ARMC9: variants seen among roughly 807,000 people sequenced by gnomAD.
The protein encoded by ARMC9 is lisH domain-containing protein ARMC9.
A neutral mutation model predicts 107.0 loss-of-function variants in ARMC9; 94 were observed. The observed-to-expected ratio is 0.88, with a 90% CI of 0.74 to 1.04. The LOEUF (loss-of-function observed/expected upper bound fraction) is 1.04. Ranked by LOEUF, ARMC9 falls within the 50% of genes least tolerant of loss-of-function variation. The pLI is 0.00. For synonymous variants in ARMC9, 380 were observed against 396.9 expected (o/e 0.96, Z 0.51); for missense variants, 942 against 1,030.1 (o/e 0.91, Z 1.17).
chr2:231,248,085 A>C (rs1310740153), intron 9 of ARMC9, among the ~76,000 whole-genome samples: 2 of 152,148 alleles, frequency 1.3e-5, no homozygotes, highest in East Asian at 1.9e-4. Flanking sequence ...ATCGGGCTCA[A>C]CTTTTCCTCC....
At chr2:231,353,055 C>T (rs1180828979) in intron 21 of ARMC9, among the ~76,000 whole-genome samples, 1 of 124,466 alleles carries the variant, frequency 8.0e-6, no homozygotes, top group Non-Finnish European at 1.5e-5. Context: ...TCCATTCCAG[C>T]CATGGGATCT....
intron 6 of ARMC9, among the ~76,000 whole-genome samples, chr2:231,223,740 T>TG (rs1359997607): frequency 6.6e-6 from 1 of 152,220 alleles, no homozygotes; most frequent in Non-Finnish European, 1.5e-5. Flanking sequence ...CCTTCCCTGT[T>TG]GCCTGTATTC....
chr2:231,207,445 C>G (rs1355157034), intron 2 of ARMC9, among the ~76,000 whole-genome samples: 2 of 152,012 alleles, frequency 1.3e-5, no homozygotes, highest in Non-Finnish European at 2.9e-5. Context: ...CAGGCATGAG[C>G]CATGCCACCT....
chr2:231,351,102 C>T (rs1210462985), intron 21 of ARMC9, among the ~76,000 whole-genome samples: 3 of 144,868 alleles, frequency 2.1e-5, no homozygotes, highest in Non-Finnish European at 3.0e-5. Flanking sequence ...GGACTACAGG[C>T]GCCTACCACC....
intron 16 of ARMC9, among the ~76,000 whole-genome samples, chr2:231,279,441 C>T (rs2040023541): frequency 6.6e-6 from 1 of 152,010 alleles, no homozygotes; most frequent in Non-Finnish European, 1.5e-5. Context: ...GAGCAGGATA[C>T]GATTGAGTAC....
At chr2:231,264,962 G>A (rs1243768839) in intron 12 of ARMC9, among the ~76,000 whole-genome samples, 2 of 152,240 alleles carry the variant, frequency 1.3e-5, no homozygotes, top group East Asian at 3.9e-4. Context: ...GCCAGACGTG[G>A]TGGCACGCAC....
intron 14 of ARMC9, among the ~76,000 whole-genome samples, chr2:231,275,689 C>T (rs1436299711): frequency 6.6e-6 from 1 of 152,194 alleles, no homozygotes; most frequent in African/African-American, 2.4e-5. Flanking sequence ...CACGGTGGCT[C>T]ACGCCTGTAA....
At chr2:231,361,018 G>A (rs1242270776) in intron 23 of ARMC9, 135 bp downstream of exon 23, 38 of 1,350,472 alleles carry the variant, frequency 2.8e-5, no homozygotes, top group Non-Finnish European at 3.5e-5. Flanking sequence ...AGGCTAAGGA[G>A]CAGTGTCAAG....
In ARMC9 at chr2:231,302,433, G is replaced by GTTTTTTTTTT. The variant is rs1322418026; in HGVS notation, c.1773+6183_1773+6184insTTTTTTTTTT. On this transcript the variant is annotated intron_variant, in intron 19 of 24. Transcript: ENST00000611582. ...TTTATGAAAAAGTGTAGCATTGTGG[G>GTTTTTTTTTT]TTTGTTTTTTTTTTTTTTTTTTTTT... Among the ~76,000 whole-genome samples the GTTTTTTTTTT allele has an allele frequency of 9.3e-5, 9 of 96,390 alleles. 1 individual carries two copies. The highest frequency in any genetic ancestry group is 1.5e-4 in the Non-Finnish European group (7 of 47,824). 63.2% of individuals were successfully genotyped at this position (96,390 alleles called of 152,430 possible). A position where few individuals can be genotyped will look rare whatever the true frequency, so the allele number is the denominator to read the frequency against.
At chr2:231,239,826 C>A in intron 8 of ARMC9, 117 bp from the exon 9 acceptor site, 1 of 805,200 alleles carries the variant, frequency 1.2e-6, no homozygotes, top group Non-Finnish European at 2.1e-6. Context: ...TTACATACCT[C>A]ATCATCATGC....
intron 19 of ARMC9, among the ~76,000 whole-genome samples, chr2:231,318,126 G>A (rs139018039): frequency 2.0e-5 from 3 of 152,004 alleles, no homozygotes; most frequent in Admixed American, 6.6e-5. Flanking sequence ...TCTAGATTAC[G>A]TTTTGCTCTC....
intron 19 of ARMC9, among the ~76,000 whole-genome samples, chr2:231,329,551 C>T (rs948311761): frequency 2.0e-5 from 3 of 152,100 alleles, no homozygotes; most frequent in Admixed American, 6.5e-5. Flanking sequence ...TCAGGTGATC[C>T]GCCCATCTCA....
intron 19 of ARMC9, among the ~76,000 whole-genome samples, chr2:231,328,232 C>A (rs766306528): frequency 6.6e-6 from 1 of 152,070 alleles, no homozygotes; most frequent in South Asian, 2.1e-4. Context: ...ATGTCTTTTG[C>A]CCATTTTCTA....
At chr2:231,331,967 T>C in intron 20 of ARMC9, 70 bp downstream of exon 20, 1 of 1,299,460 alleles carries the variant, frequency 7.7e-7, no homozygotes, top group Admixed American at 1.9e-5. Context: ...ATTTCGTGTT[T>C]TCAGTGACAC....
intron 10 of ARMC9, 102 bp from the exon 11 acceptor site, chr2:231,258,889 T>A: frequency 9.2e-7 from 1 of 1,086,210 alleles, no homozygotes; most frequent in East Asian, 2.4e-5. Flanking sequence ...TGGGAGCCCA[T>A]GGGAACAGCA....
At chr2:231,292,014 C>CAA (rs2041035332) in intron 18 of ARMC9, among the ~76,000 whole-genome samples, 1 of 150,210 alleles carries the variant, frequency 6.7e-6, no homozygotes, top group Non-Finnish European at 1.5e-5. Flanking sequence ...ACTAAAAATG[C>CAA]AAAATTAGCC....
chr2:231,268,549 A>G (rs550064123), intron 12 of ARMC9, among the ~76,000 whole-genome samples: 1 of 152,064 alleles, frequency 6.6e-6, no homozygotes, highest in Non-Finnish European at 1.5e-5. Flanking sequence ...AGTGTCCCAT[A>G]TTATCTTATT....
At chr2:231,286,179 G>T (rs557274941) in intron 17 of ARMC9, among the ~76,000 whole-genome samples, 1 of 152,044 alleles carries the variant, frequency 6.6e-6, no homozygotes, top group South Asian at 2.1e-4. Flanking sequence ...GCAGTGGTGG[G>T]ATCTCGGCTT....
rs886247485 is a variant in ARMC9, at chr2:231,297,961, T to G, written c.1773+1708T>G. Among the ~76,000 whole-genome samples the G allele has an allele frequency of 6.6e-6, 1 of 152,242 alleles. No homozygotes were observed. On this transcript the variant is annotated intron_variant, in intron 19 of 24. Coordinates refer to ENST00000611582, the MANE Select transcript of ARMC9 (RefSeq NM_001352754.2). This position sits in a 1 kb window ranked among gnomAD's most constrained non-coding sequence, Gnocchi z 4.2. Reference sequence around the variant, plus strand: ...GCTTTGTTTTTGCTATAAATCCTGTTTTTATCTTATAAGGGAAAATTCATT... The same window carrying G: ...GCTTTGTTTTTGCTATAAATCCTGTGTTTATCTTATAAGGGAAAATTCATT...
Sources: allele counts gnomAD v4.1 joint callset (sites outside exome capture counted in the v4.1 genomes callset), GRCh38; gene constraint gnomAD v4.1.1; non-coding constraint Gnocchi (gnomAD v3.1); transcripts MANE v1.5; gene names NCBI Gene and HGNC (gene_info 2026-07-23, HGNC 2026-07-21).